The following SCN9A variants were observed in gnomAD, a reference collection of about 807,000 sequenced individuals.
SCN9A encodes sodium channel protein type 9 subunit alpha.
In SCN9A, 131 loss-of-function variants were observed where a neutral mutation model predicts 187.0. The observed-to-expected ratio is 0.70, with a 90% CI of 0.61 to 0.81. SCN9A has a LOEUF of 0.81. Ranked by LOEUF, SCN9A falls within the 30% of genes least tolerant of loss-of-function variation. SCN9A has a pLI of 0.00. For synonymous variants in SCN9A, 809 were observed against 808.6 expected, an observed-to-expected ratio of 1.00 and a Z score of -0.01; for missense variants, 2,252 against 2,396.6, an observed-to-expected ratio of 0.94 and a Z score of 1.26.
Position 166,228,854 on chromosome 2 carries a change from T to A in SCN9A, c.4043A>T (p.Tyr1348Phe). 1 of 1,613,920 alleles carries A rather than the reference T, an allele frequency of 6.2e-7. No individual in the cohort carries two copies. Among genetic ancestry groups the A allele is most frequent in the Non-Finnish European group, 8.5e-7 (1 of 1,179,840 alleles). The change falls in exon 22 of 27, where the codon TAT becomes TTT. Residue 1348 changes from tyrosine (Y) to phenylalanine (F), a missense_variant. Tyr to Phe is a conservative substitution (Grantham distance 22, BLOSUM62 3). Coordinates refer to ENST00000642356, the MANE Select transcript of SCN9A (RefSeq NM_001365536.1). ...CCCATCTGTGGTGTTAATACACTCATAGAACTTGCCAGCAAACAAATTTAC... is the reference window on the plus strand; with the variant it reads ...CCCATCTGTGGTGTTAATACACTCAAAGAACTTGCCAGCAAACAAATTTAC... ...MGVNLFAGKFYECINTTDGSR... is the reference protein window; with the variant it reads ...MGVNLFAGKFFECINTTDGSR...
At chr2:166,200,291 C>T (rs1406647650) in intron 26 of SCN9A, among the ~76,000 whole-genome samples, 2 of 151,806 alleles carry the variant, frequency 1.3e-5, no homozygotes, top group Admixed American at 6.6e-5. Context: ...GCCACCGTGC[C>T]CGGCCAAGAC....
chr2:166,238,102 T>C lies in SCN9A; in HGVS notation c.3793A>G (p.Ile1265Val), dbSNP rs1415373231. The change falls in exon 20 of 27, where the codon ATT becomes GTT. Residue 1265 changes from isoleucine to valine, a missense_variant. Around this residue, in one of 7 missense-constraint regions of SCN9A, gnomAD observed 368 missense variants for 408.6 expected, o/e 0.90. Transcript: ENST00000642356. ...TACTCAAAAGTACCTACATCAACAA[T>C]TAGGAAATCCAGCCAACACCAGGCA... ...TNAWCWLDFL[I>V]VDVSLVTLVA... 1 of 1,609,852 alleles carries C rather than the reference T, an allele frequency of 6.2e-7. No homozygotes were observed. The highest frequency in any genetic ancestry group is 1.7e-5 in the Admixed American group (1 of 59,646).
chr2:166,216,622 T>A (rs1437900037), intron 24 of SCN9A, among the ~76,000 whole-genome samples: 1 of 151,866 alleles, frequency 6.6e-6, no homozygotes, highest in East Asian at 1.9e-4. Context: ...AAGAAATTAA[T>A]CCTATTTAAA....
intron 17 of SCN9A, among the ~76,000 whole-genome samples, chr2:166,263,815 C>T (rs147449004): frequency 1.3e-5 from 2 of 151,910 alleles, no homozygotes; most frequent in Admixed American, 6.6e-5. Context: ...ACGTGAGTAC[C>T]GGGCCAGAGA....
Position 166,286,554 on chromosome 2 carries a change from A to G in SCN9A, c.1384T>C (p.Ser462Pro). The change falls in exon 11 of 27, where the codon TCT becomes CCT. Residue 462 changes from serine (S) to proline (P), a missense_variant. By Grantham distance (74) the Ser-to-Pro change is moderately conservative. Transcript: ENST00000642356. Reference protein sequence around the residue: ...RSRIMGLSESSSETSKLSSKS... With the variant: ...RSRIMGLSESPSETSKLSSKS... ...GAGCTCAGTTTGGATGTTTCAGAAG[A>G]ACTCTCTGAGAGGCCCATAATTCTG... The G allele has an allele frequency of 6.2e-7, 1 of 1,607,616 alleles. No individual in the cohort carries two copies. The highest frequency in any genetic ancestry group is 1.1e-5 in the South Asian group (1 of 89,450).
At chr2:166,280,991 G>GA (rs1203262171) in intron 13 of SCN9A, among the ~76,000 whole-genome samples, 11 of 152,108 alleles carry the variant, frequency 7.2e-5, no homozygotes, top group African/African-American at 2.4e-4. Flanking sequence ...ATTCTGTCCA[G>GA]AAAAAACTCT....
chr2:166,347,168 T>G (rs1156832688), intron 1 of SCN9A, among the ~76,000 whole-genome samples: 1 of 152,208 alleles, frequency 6.6e-6, no homozygotes, highest in Non-Finnish European at 1.5e-5. Flanking sequence ...TCTAAAATCT[T>G]TAGGCACTGG....
intron 1 of SCN9A, among the ~76,000 whole-genome samples, chr2:166,319,375 A>T (rs1699184036): frequency 6.6e-6 from 1 of 151,862 alleles, no homozygotes; most frequent in African/African-American, 2.4e-5. Context: ...CTTCTAAAAC[A>T]CATAGAATAC....
chr2:166,368,987 C>CAA (rs1329733105), intron 1 of SCN9A, among the ~76,000 whole-genome samples: 1,431 of 122,748 alleles, frequency 0.012, 23 homozygotes, highest in African/African-American at 0.037. Flanking sequence ...AACTCGGTCT[C>CAA]AAAAAAAAAA....
chr2:166,283,308 A>G (rs1697577702), intron 12 of SCN9A, among the ~76,000 whole-genome samples: 1 of 152,192 alleles, frequency 6.6e-6, no homozygotes, highest in South Asian at 2.1e-4. Flanking sequence ...CATAGAGGTC[A>G]CATGTTACCT....
chr2:166,368,007 A>G (rs1700460018), intron 1 of SCN9A, among the ~76,000 whole-genome samples: 1 of 152,236 alleles, frequency 6.6e-6, no homozygotes, highest in South Asian at 2.1e-4. Context: ...CATATTTGAT[A>G]GAATGCTTGG....
chr2:166,298,511 A>G (rs1698415892), intron 7 of SCN9A, among the ~76,000 whole-genome samples: 1 of 152,226 alleles, frequency 6.6e-6, no homozygotes. Flanking sequence ...TGAATTTGGA[A>G]AGGCATTTCG....
chr2:166,362,718 AAATT>A (rs1442412510), intron 1 of SCN9A, among the ~76,000 whole-genome samples: 1 of 151,806 alleles, frequency 6.6e-6, no homozygotes, highest in African/African-American at 2.4e-5. Flanking sequence ...GAAGGAATTA[AAATT>A]ATTAAATTAT....
chr2:166,322,694 TA>T (rs997031450), intron 1 of SCN9A, among the ~76,000 whole-genome samples: 62 of 152,268 alleles, frequency 4.1e-4, no homozygotes, highest in African/African-American at 1.5e-3. Context: ...TAAATGAGGA[TA>T]TTTCCATTTA....
chr2:166,282,776 T>C (rs1697550934), intron 12 of SCN9A, among the ~76,000 whole-genome samples: 1 of 152,202 alleles, frequency 6.6e-6, no homozygotes, highest in Non-Finnish European at 1.5e-5. Context: ...GGGTGTATTA[T>C]GCATCTATGT....
chr2:166,246,503 G>A (rs1488221772), intron 18 of SCN9A, among the ~76,000 whole-genome samples: 2 of 151,858 alleles, frequency 1.3e-5, no homozygotes, highest in African/African-American at 4.8e-5. Flanking sequence ...AAAGGGTAGG[G>A]TCAAAAATTA....
At position 166,251,855 on chromosome 2, in the gene SCN9A, T is replaced by C; in HGVS notation, c.3382A>G (p.Ser1128Gly). The C allele has an allele frequency of 6.2e-7, 1 of 1,612,596 alleles. No individual in the cohort carries two copies. Among genetic ancestry groups the C allele is most frequent in the Non-Finnish European group, 8.5e-7 (1 of 1,179,086 alleles). Residue 1128 changes from serine to glycine, a missense_variant, in exon 18 of 27, where the codon AGC (serine) becomes GGC (glycine). Ser to Gly is a moderately conservative substitution (Grantham distance 56). Around this residue, in one of 7 missense-constraint regions of SCN9A, gnomAD observed 313 missense variants for 295.3 expected, o/e 1.06. Coordinates refer to ENST00000642356, the MANE Select transcript of SCN9A (RefSeq NM_001365536.1). ...RLNRSSSSEC[S>G]TVDNPLPGEG... ...CCAGGCAAAGGGTTATCAACTGTGC[T>C]GCACTCTGAGGAGCTTGACCGGTTT... is the stretch of plus-strand genomic sequence containing the variant.
chr2:166,257,892 C>G (rs1696348138), intron 17 of SCN9A, among the ~76,000 whole-genome samples: 1 of 151,354 alleles, frequency 6.6e-6, no homozygotes, highest in Non-Finnish European at 1.5e-5. Flanking sequence ...TAAATCCCCA[C>G]CAAATTTGAA....
rs1695625338 is a variant in SCN9A at position 166,242,763 on chromosome 2, AT to A, written c.3473-108del. 5 of 709,744 alleles carry A rather than the reference AT, an allele frequency of 7.0e-6. No individual in the cohort carries two copies. The South Asian group carries it at 1.3e-4, about 19-fold the overall frequency. 44.0% of individuals were successfully genotyped at this position (709,744 alleles called of 1,614,324 possible). A position where few individuals can be genotyped will look rare whatever the true frequency, so the allele number is the denominator to read the frequency against. On this transcript the variant is annotated intron_variant, in intron 18 of 26. Coordinates refer to ENST00000642356, the MANE Select transcript of SCN9A (RefSeq NM_001365536.1). ...TCTGTGATACTCCCTCAACCAAATA[AT>A]TTCAACACCTATACTTGCAATTTCA...
Sources: gnomAD v4.1 joint callset for allele counts (sites outside exome capture counted in the v4.1 genomes callset) on GRCh38, gnomAD v4.1.1 for gene constraint, gnomAD v4.1.1 regional missense constraint, MANE v1.5 for transcripts, NCBI Gene and HGNC (gene_info 2026-07-23, HGNC 2026-07-21) for gene names.